Variants in HEATR4 observed in about 807,000 individuals in gnomAD.
HEATR4 encodes HEAT repeat-containing protein 4.
A neutral mutation model predicts 108.8 loss-of-function variants in HEATR4; 95 were observed. The ratio of observed to expected loss-of-function variants is 0.87; its 90% CI spans 0.74 to 1.04. The LOEUF is 1.04. Ranked by LOEUF, HEATR4 falls within the 50% of genes least tolerant of loss-of-function variation. HEATR4 has a pLI of 0.00. For missense variants in HEATR4, 1,152 were observed against 1,253.8 expected (o/e 0.92, Z 1.23); for synonymous variants, 443 against 459.4 (o/e 0.96, Z 0.46).
the HEATR4 span, chr14:73,569,797 G>C: frequency 6.2e-7 from 1 of 1,603,550 alleles, no homozygotes; most frequent in Non-Finnish European, 8.5e-7. Context: ...TGCCAGACGC[G>C]GCACGAGCGC....
At chr14:73,601,743 C>T in the HEATR4 span, among the ~76,000 whole-genome samples, 3 of 152,184 alleles carry the variant, frequency 2.0e-5, no homozygotes, top group Non-Finnish European at 2.9e-5. Flanking sequence ...TAACATTGGA[C>T]TTATGTCCTC....
the HEATR4 span, chr14:73,619,895 T>C: frequency 4.0e-6 from 6 of 1,494,858 alleles, no homozygotes; most frequent in South Asian, 6.9e-5. Flanking sequence ...ACAACTTGTG[T>C]TGGGTTTTCT....
chr14:73,569,572 A>G, the HEATR4 span: 98 of 1,599,942 alleles, frequency 6.1e-5, 2 homozygotes, highest in Non-Finnish European at 7.7e-5. Context: ...TTCCAGGCCC[A>G]CGCGCGCTAC....
intron 1 of HEATR4, among the ~76,000 whole-genome samples, chr14:73,556,572 C>G (rs1889399444): frequency 8.8e-6 from 1 of 114,252 alleles, no homozygotes; most frequent in African/African-American, 2.8e-5. Context: ...TCAAAAGAGG[C>G]TTGTTCTGGC....
In HEATR4 at chr14:73,533,977, G is replaced by C. The variant is rs1220630937; in HGVS notation, c.-151-3733C>G. The stretch of plus-strand genomic sequence containing the variant: ...TGAGGTGGTAGGGTCACTTGTTTGG[G>C]AAGAGGAGGTGGGAGGATCCTTTGA... On this transcript the variant is annotated intron_variant, in intron 1 of 17. Coordinates refer to ENST00000553558, the MANE Select transcript of HEATR4 (RefSeq NM_001220484.1). 1.8e-5 allele frequency among the ~76,000 whole-genome samples: 2 copies of C among 110,894 alleles called. 1 individual carries two copies. Among genetic ancestry groups the C allele is most frequent in the Non-Finnish European group, 3.9e-5 (2 of 51,392 alleles). 72.8% of individuals were successfully genotyped at this position (110,894 alleles called of 152,430 possible).
At chr14:73,497,679 T>G (rs1303978451) in intron 14 of HEATR4, among the ~76,000 whole-genome samples, 2 of 151,650 alleles carry the variant, frequency 1.3e-5, no homozygotes, top group Non-Finnish European at 2.9e-5. Context: ...CAGGCTGGAG[T>G]GCAATGGCAC....
Position 73,512,097 on chromosome 14 carries a change from G to T in HEATR4, c.1467C>A (p.Asp489Glu). The change falls in exon 7 of 18, where the codon GAC (aspartate) becomes GAA (glutamate). Residue 489 changes from aspartate to glutamate, a missense_variant. Physicochemically the swap from Asp to Glu is conservative, Grantham distance 45. Coordinates refer to ENST00000553558, the MANE Select transcript of HEATR4 (RefSeq NM_001220484.1). ...CTTTGATCCGAACGTCATCATGCAG[G>T]TCTCCCAAGCTCTGAAGCAGGTTCT... ...TVENLLQSLG[D>E]LHDDVRIKAI... is the part of the protein sequence containing the mutation. 6.2e-7 allele frequency: 1 copy of T among 1,614,124 alleles called. No homozygotes were observed. The highest frequency in any genetic ancestry group is 8.5e-7 in the Non-Finnish European group (1 of 1,180,022).
intron 12 of HEATR4, among the ~76,000 whole-genome samples, chr14:73,500,230 A>AAAAC (rs765949666): frequency 7.2e-5 from 11 of 152,110 alleles, no homozygotes; most frequent in South Asian, 2.1e-4. Context: ...ACTCCGTCTC[A>AAAAC]AAACAAACAA....
chr14:73,621,761 CTTTTTTT>C, the HEATR4 span, among the ~76,000 whole-genome samples: 21 of 109,516 alleles, frequency 1.9e-4, no homozygotes, highest in Non-Finnish European at 2.8e-4. Context: ...TTCTTTCTTT[CTTTTTTT>C]TTTTTTTTTT....
At position 73,522,576 on chromosome 14, in the gene HEATR4, G is replaced by T; in HGVS notation, c.577C>A (p.Leu193Met). The T allele has an allele frequency of 6.2e-7, 1 of 1,614,206 alleles. No homozygotes were observed. The highest frequency in any genetic ancestry group is 8.5e-7 in the Non-Finnish European group (1 of 1,180,024). ...VNLEEREAWL[L>M]PPEKEARAWE... Reference sequence around the variant, plus strand: ...GCTCTGGCCTCCTTCTCAGGAGGCAGAAGCCAGGCTTCTCTTTCCTCCAGG... The same window carrying T: ...GCTCTGGCCTCCTTCTCAGGAGGCATAAGCCAGGCTTCTCTTTCCTCCAGG... The change falls in exon 3 of 18, where the codon CTG becomes ATG. Residue 193 changes from leucine (L) to methionine (M), a missense_variant. Transcript: ENST00000553558.
intron 17 of HEATR4, 38 bp from the exon 18 acceptor site, chr14:73,478,880 A>C: frequency 6.7e-7 from 1 of 1,502,772 alleles, no homozygotes; most frequent in Non-Finnish European, 9.1e-7. Flanking sequence ...CATATGCCAA[A>C]CGTGTCTCAT....
In HEATR4 at chr14:73,532,986, AAAAGT is replaced by A. The variant is rs548992521; in HGVS notation, c.-151-2747_-151-2743del. 7.0e-5 allele frequency among the ~76,000 whole-genome samples: 8 copies of A among 113,728 alleles called. 1 individual carries two copies. Among genetic ancestry groups the A allele is most frequent in the South Asian group, 2.8e-4 (1 of 3,582 alleles). The allele number at this position is 113,728 out of a possible 152,430, so 74.6% of individuals were successfully genotyped here. The stretch of plus-strand genomic sequence containing the variant: ...ATAAATAAATAAATAAAAAGAAAAG[AAAAGT>A]AAAGACTAAAAAAATTAAATATTAT... On this transcript the variant is annotated intron_variant, in intron 1 of 17. Coordinates refer to ENST00000553558, the MANE Select transcript of HEATR4 (RefSeq NM_001220484.1).
At chr14:73,491,832 G>A (rs1218164185) in intron 17 of HEATR4, 1 of 1,607,764 alleles carries the variant, frequency 6.2e-7, no homozygotes, top group Non-Finnish European at 8.5e-7. Flanking sequence ...AACGGACGAC[G>A]CGAGACCCTG....
chr14:73,545,154 G>A (rs1274370426), intron 1 of HEATR4, among the ~76,000 whole-genome samples: 4 of 105,832 alleles, frequency 3.8e-5, no homozygotes, highest in African/African-American at 1.2e-4. Context: ...AACCTCGTAG[G>A]TTTAAGCTAT....
chr14:73,589,299 T>A, the HEATR4 span, among the ~76,000 whole-genome samples: 1 of 146,670 alleles, frequency 6.8e-6, no homozygotes, highest in African/African-American at 2.7e-5. Context: ...TTGCTTTCTC[T>A]CTTCCTTCCC....
chr14:73,589,893 G>A, the HEATR4 span, among the ~76,000 whole-genome samples: 19 of 152,194 alleles, frequency 1.2e-4, no homozygotes, highest in African/African-American at 3.6e-4. Flanking sequence ...AAACCTTTGC[G>A]GTGAGTGTTA....
the HEATR4 span, among the ~76,000 whole-genome samples, chr14:73,603,418 A>G: frequency 6.6e-6 from 1 of 152,130 alleles, no homozygotes; most frequent in East Asian, 1.9e-4. Flanking sequence ...GCAGTGGCAC[A>G]TTCTCGGCTC....
At chr14:73,573,955 G>C in the HEATR4 span, among the ~76,000 whole-genome samples, 1 of 151,960 alleles carries the variant, frequency 6.6e-6, no homozygotes, top group African/African-American at 2.4e-5. Flanking sequence ...TTGAACTCCT[G>C]ACCTCAAATG....
In HEATR4 at chr14:73,548,716, A is replaced by G. The variant is rs1345990782; in HGVS notation, c.-152+10035T>C. On this transcript the variant is annotated intron_variant, in intron 1 of 17. Transcript: ENST00000553558. ...TCTTGAGACTCACTGGGGGAGGAGAAAGGGGAAAGGAAAAAAAGTCTTAAG... is the reference window on the plus strand; with the variant it reads ...TCTTGAGACTCACTGGGGGAGGAGAGAGGGGAAAGGAAAAAAAGTCTTAAG... Among the ~76,000 whole-genome samples the G allele has an allele frequency of 1.1e-4, 13 of 114,302 alleles. 3 individuals carry two copies. Among genetic ancestry groups the G allele is most frequent in the Non-Finnish European group, 2.1e-4 (11 of 52,460 alleles). 75.0% of individuals were successfully genotyped at this position (114,302 alleles called of 152,430 possible).
Sources: gnomAD v4.1 joint callset for allele counts (sites outside exome capture counted in the v4.1 genomes callset) on GRCh38, gnomAD v4.1.1 for gene constraint, MANE v1.5 for transcripts, NCBI Gene and HGNC (gene_info 2026-07-23, HGNC 2026-07-21) for gene names.